Variants in MAST4 observed in about 807,000 individuals in gnomAD.
The protein encoded by MAST4 is microtubule associated serine/threonine kinase family member 4.
A neutral mutation model predicts 162.7 loss-of-function variants in MAST4; 89 were observed. The ratio of observed to expected loss-of-function variants is 0.55; its 90% confidence interval spans 0.46 to 0.65. MAST4 has a LOEUF of 0.65. Ranked by LOEUF, MAST4 falls within the 30% of genes least tolerant of loss-of-function variation. The pLI is 0.00. For missense variants in MAST4, 3,153 were observed against 3,374.0 expected, an observed-to-expected ratio of 0.93 and a Z score of 1.62; for synonymous variants, 1,479 against 1,361.1, an observed-to-expected ratio of 1.09 and a Z score of -1.91.
Position 67,165,533 on chromosome 5 carries a change from A to T in MAST4, c.6354A>T (p.Glu2118Asp), listed in dbSNP as rs373709727. The change falls in exon 29 of 29, where the codon GAA becomes GAT. Residue 2118 changes from glutamate to aspartate, a missense_variant. Physicochemically the swap from Glu to Asp is conservative, Grantham distance 45 (BLOSUM62 2). This residue lies in a region of MAST4 where 1,644 missense variants were observed against 1,495.0 expected (regional missense o/e 1.10). Coordinates refer to ENST00000403625, the MANE Select transcript of MAST4 (RefSeq NM_001164664.2). The stretch of plus-strand genomic sequence containing the variant: ...CTTTGCAGAAAGATGGTGCCAAGGA[A>T]CCTGAAAGGAAGGAGCAGCCTCTAC... ...FPSLQKDGAK[E>D]PERKEQPLQR... 37 of 1,613,802 alleles carry T rather than the reference A, an allele frequency of 2.3e-5. No homozygotes were observed. The East Asian group carries it at 3.6e-4, about 16-fold the overall frequency.
At chr5:66,867,653 C>G (rs1050115300) in intron 3 of MAST4, among the ~76,000 whole-genome samples, 1 of 152,022 alleles carries the variant, frequency 6.6e-6, no homozygotes, top group Admixed American at 6.5e-5. Flanking sequence ...GATAGTTATC[C>G]CAGCAAAATG....
chr5:66,705,645 A>G (rs1750080766), intron 1 of MAST4, among the ~76,000 whole-genome samples: 2 of 152,238 alleles, frequency 1.3e-5, no homozygotes, highest in African/African-American at 4.8e-5. Flanking sequence ...TATGCCTGGC[A>G]CTTAACTAGT....
intron 3 of MAST4, among the ~76,000 whole-genome samples, chr5:66,829,917 T>C (rs1757489180): frequency 6.6e-6 from 1 of 152,164 alleles, no homozygotes; most frequent in Non-Finnish European, 1.5e-5. Context: ...AAGTTGGGGT[T>C]ACATACCATC....
chr5:66,613,788 G>T (rs7704804), intron 1 of MAST4, among the ~76,000 whole-genome samples: 2 of 152,062 alleles, frequency 1.3e-5, no homozygotes, highest in African/African-American at 2.4e-5. Context: ...GGGAAGTTAA[G>T]CTACTGAGGA....
At position 66,831,066 on chromosome 5, in the gene MAST4, G is replaced by A. The variant is rs114650615; in HGVS notation, c.642+42272G>A. Among the ~76,000 whole-genome samples the A allele has an allele frequency of 2.3e-3, 354 of 152,270 alleles. 3 individuals carry two copies. Among genetic ancestry groups the A allele is most frequent in the African/African-American group, 8.1e-3 (338 of 41,544 alleles). On this transcript the variant is annotated intron_variant, in intron 3 of 28. Transcript: ENST00000403625. The stretch of plus-strand genomic sequence containing the variant: ...TGTACTAAATAAGTAGATGGGTAGA[G>A]TTGAGTTCTTTAAAGTTAAGGGTCA...
chr5:67,054,485 T>C lies in MAST4; in HGVS notation c.756T>C (p.Ala252=), dbSNP rs1581366421. 7 of 1,608,316 alleles carry C rather than the reference T, an allele frequency of 4.4e-6. No homozygotes were observed. In the East Asian group the frequency reaches 1.6e-4, roughly 36 times the overall value. The part of the protein sequence containing the change: ...ALPRPHSPLS[A]HAGNSPQDSP... The stretch of plus-strand genomic sequence containing the variant: ...CTCGACCACACTCACCTCTCTCTGC[T>C]CATGCAGGTAATTGGTTACCATTTC... Residue 252 remains alanine, a synonymous_variant, in exon 5 of 29, where the codon GCT becomes GCC. Coordinates refer to ENST00000403625, the MANE Select transcript of MAST4 (RefSeq NM_001164664.2).
intron 4 of MAST4, among the ~76,000 whole-genome samples, chr5:66,921,173 G>A (rs1355659185): frequency 6.6e-6 from 1 of 152,192 alleles, no homozygotes; most frequent in Non-Finnish European, 1.5e-5. Context: ...AATCATGTGT[G>A]TTGATTTAAA....
At chr5:67,049,672 G>GC (rs371072648) in intron 4 of MAST4, among the ~76,000 whole-genome samples, 1 of 152,126 alleles carries the variant, frequency 6.6e-6, no homozygotes, top group East Asian at 1.9e-4. Flanking sequence ...TATTATTACT[G>GC]CCCCTCAATG....
At chr5:66,739,846 GT>G (rs35980021) in intron 1 of MAST4, among the ~76,000 whole-genome samples, 24,835 of 135,584 alleles carry the variant, frequency 0.18, 2,290 homozygotes, top group Non-Finnish European at 0.23. Flanking sequence ...CATCACTCTT[GT>G]TTTTTTTTTT....
chr5:66,724,709 A>G (rs1215432455), intron 1 of MAST4, among the ~76,000 whole-genome samples: 2 of 152,160 alleles, frequency 1.3e-5, no homozygotes. Flanking sequence ...TACTGTAAGC[A>G]GTTGTAACAC....
intron 1 of MAST4, among the ~76,000 whole-genome samples, chr5:66,609,109 C>T (rs1743104206): frequency 6.7e-6 from 1 of 148,748 alleles, no homozygotes; most frequent in Non-Finnish European, 1.5e-5. Flanking sequence ...AGTCTGCAGG[C>T]TCCAAACAGA....
At chr5:67,035,991 C>G (rs528050644) in intron 4 of MAST4, among the ~76,000 whole-genome samples, 1 of 152,228 alleles carries the variant, frequency 6.6e-6, no homozygotes, top group Admixed American at 6.5e-5. Flanking sequence ...ATTGCACTCC[C>G]TGTGGGAGTG....
rs1302046472 is a variant in MAST4 at position 66,996,544 on chromosome 5, C to T, written c.675-57860C>T. On this transcript the variant is annotated intron_variant, in intron 4 of 28. Coordinates refer to ENST00000403625, the MANE Select transcript of MAST4 (RefSeq NM_001164664.2). ...CTTAGAATTTTAAAGGTCAGAAGTCCGAAATCAATTTCTGTGCGCTGAAAT... is the reference window on the plus strand; with the variant it reads ...CTTAGAATTTTAAAGGTCAGAAGTCTGAAATCAATTTCTGTGCGCTGAAAT... Among the ~76,000 whole-genome samples, 3 of 152,042 alleles carry T rather than the reference C, an allele frequency of 2.0e-5. No individual in the cohort carries two copies. The South Asian group carries it at 6.2e-4, about 32-fold the overall frequency.
At chr5:66,947,893 G>A (rs1363933) in intron 4 of MAST4, among the ~76,000 whole-genome samples, 22,619 of 152,178 alleles carry the variant, frequency 0.15, 2,767 homozygotes, top group African/African-American at 0.34. Flanking sequence ...TGAAATTGGT[G>A]AAGATACATT....
chr5:66,787,656 T>C (rs1755178856), intron 2 of MAST4, among the ~76,000 whole-genome samples: 1 of 152,216 alleles, frequency 6.6e-6, no homozygotes, highest in Non-Finnish European at 1.5e-5. Context: ...CTACGCATGC[T>C]GCAATCCCTC....
At chr5:67,066,771 T>C (rs922748827) in intron 5 of MAST4, among the ~76,000 whole-genome samples, 26 of 152,204 alleles carry the variant, frequency 1.7e-4, no homozygotes, top group Admixed American at 1.0e-3. Flanking sequence ...TTTTATTGTC[T>C]TGTATTTGTG....
intron 19 of MAST4, among the ~76,000 whole-genome samples, chr5:67,138,155 A>T (rs1425774694): frequency 6.6e-6 from 1 of 152,178 alleles, no homozygotes; most frequent in Non-Finnish European, 1.5e-5. Context: ...TCATCTCCTC[A>T]TTTGTGAAAA....
intron 13 of MAST4, 115 bp from the exon 14 acceptor site, chr5:67,120,902 T>C (rs1767496005): frequency 1.4e-6 from 1 of 716,806 alleles, no homozygotes; most frequent in Non-Finnish European, 2.3e-6. Context: ...GTGGCTGGAA[T>C]ACTGTACTTC....
chr5:66,719,460 G>C (rs764656764), intron 1 of MAST4, among the ~76,000 whole-genome samples: 5 of 152,038 alleles, frequency 3.3e-5, no homozygotes, highest in Non-Finnish European at 7.4e-5. Flanking sequence ...GTGTTTAATG[G>C]GTTATACATT....
Sources: gnomAD v4.1 joint callset for allele counts (sites outside exome capture counted in the v4.1 genomes callset) on GRCh38, gnomAD v4.1.1 for gene constraint, gnomAD v4.1.1 regional missense constraint, MANE v1.5 for transcripts, NCBI Gene and HGNC (gene_info 2026-07-23, HGNC 2026-07-21) for gene names.